Variants in NRXN3 observed in about 807,000 individuals in gnomAD.
The protein encoded by NRXN3 is neurexin 3.
Under a neutral mutation model 137.6 loss-of-function variants are expected in NRXN3, and 32 were observed. The ratio of observed to expected loss-of-function variants is 0.23; its 90% CI spans 0.18 to 0.31. The LOEUF is 0.31. Ranked by LOEUF, NRXN3 falls within the 10% of genes least tolerant of loss-of-function variation. NRXN3 has a pLI of 1.00. For missense variants in NRXN3, 1,574 were observed against 2,062.5 expected (o/e 0.76, Z 4.59); for synonymous variants, 798 against 784.5 (o/e 1.02, Z -0.29).
At chr14:79,852,216 GGTTCTA>G (rs1199731659) in intron 20 of NRXN3, among the ~76,000 whole-genome samples, 4 of 137,118 alleles carry the variant, frequency 2.9e-5, no homozygotes, top group African/African-American at 5.4e-5. Flanking sequence ...TGTCAATACA[GGTTCTA>G]GTTCAACTCC....
intron 8 of NRXN3, among the ~76,000 whole-genome samples, chr14:78,780,767 A>G (rs2098766323): frequency 6.6e-6 from 1 of 152,234 alleles, no homozygotes; most frequent in Non-Finnish European, 1.5e-5. Context: ...ATTACTTCAA[A>G]CCACCAGAGT....
intron 10 of NRXN3, among the ~76,000 whole-genome samples, chr14:78,853,492 A>G (rs2152494861): frequency 1.3e-5 from 2 of 152,308 alleles, no homozygotes; most frequent in South Asian, 4.1e-4. Context: ...TATTAAGCCT[A>G]GTACCCATTA....
At chr14:79,411,890 A>G (rs2095422220) in intron 15 of NRXN3, among the ~76,000 whole-genome samples, 1 of 152,106 alleles carries the variant, frequency 6.6e-6, no homozygotes, top group South Asian at 2.1e-4. Context: ...AGATAAACGG[A>G]TTTTTCTGAG....
At chr14:79,665,957 A>T (rs1282358286) in intron 17 of NRXN3, among the ~76,000 whole-genome samples, 1 of 152,128 alleles carries the variant, frequency 6.6e-6, no homozygotes, top group Non-Finnish European at 1.5e-5. Flanking sequence ...AGGGTACAGT[A>T]TAGCATTTAT....
intron 20 of NRXN3, among the ~76,000 whole-genome samples, chr14:79,810,163 A>G (rs1357217701): frequency 6.6e-6 from 1 of 152,184 alleles, no homozygotes; most frequent in Non-Finnish European, 1.5e-5. Flanking sequence ...TCAAGATTCT[A>G]AAAGTCTTGG....
At chr14:79,018,131 G>A (rs992886335) in intron 15 of NRXN3, among the ~76,000 whole-genome samples, 1 of 151,384 alleles carries the variant, frequency 6.6e-6, no homozygotes, top group Non-Finnish European at 1.5e-5. Context: ...ATGGTGGTAG[G>A]CACCTGAAAT....
intron 6 of NRXN3, among the ~76,000 whole-genome samples, chr14:78,688,098 C>T (rs146689294): frequency 1.6e-3 from 250 of 152,182 alleles, no homozygotes; most frequent in African/African-American, 5.5e-3. Flanking sequence ...TTCTTAAGAT[C>T]GGAGAAAATC....
At chr14:78,405,922 T>C (rs2092455617) in intron 4 of NRXN3, among the ~76,000 whole-genome samples, 5 of 152,226 alleles carry the variant, frequency 3.3e-5, no homozygotes, top group Admixed American at 3.3e-4. Context: ...AGTTTATTTC[T>C]CTTGGATGGG....
Position 78,259,594 on chromosome 14 carries a change from A to G in NRXN3, c.709+15792A>G, listed in dbSNP as rs921859885. The stretch of plus-strand genomic sequence containing the variant: ...GCTGGAAGCCCTGGCTCAGCTAGCA[A>G]TATAAGTGCTGGTAATTAATTCACT... On this transcript the variant is annotated intron_variant, in intron 2 of 20. Coordinates refer to ENST00000335750, the MANE Select transcript of NRXN3 (RefSeq NM_001330195.2). 7.2e-5 allele frequency among the ~76,000 whole-genome samples: 11 copies of G among 152,166 alleles called. No individual in the cohort carries two copies. The East Asian group carries it at 1.5e-3, about 21-fold the overall frequency.
chr14:79,377,794 TGTA>T (rs1226904765), intron 15 of NRXN3, among the ~76,000 whole-genome samples: 1 of 152,170 alleles, frequency 6.6e-6, no homozygotes, highest in African/African-American at 2.4e-5. Flanking sequence ...GTTATCCTTC[TGTA>T]GGTTTGTATT....
intron 19 of NRXN3, among the ~76,000 whole-genome samples, chr14:79,763,081 T>C (rs1474476072): frequency 1.3e-5 from 2 of 150,840 alleles, no homozygotes; most frequent in African/African-American, 5.0e-5. Flanking sequence ...CCATGCGTTC[T>C]CATTGTTCAA....
chr14:79,321,829 T>C (rs953707820), intron 15 of NRXN3, among the ~76,000 whole-genome samples: 1 of 148,880 alleles, frequency 6.7e-6, no homozygotes, highest in African/African-American at 2.4e-5. Flanking sequence ...TATTAATAAA[T>C]GATCAACATA....
intron 20 of NRXN3, among the ~76,000 whole-genome samples, chr14:79,855,937 T>C (rs1318160679): frequency 2.0e-5 from 3 of 152,236 alleles, no homozygotes; most frequent in Admixed American, 6.5e-5. Flanking sequence ...AGAGTTCCGA[T>C]GTTAAGAGTC....
chr14:78,972,839 C>A (rs2099448006), intron 14 of NRXN3: 3 of 152,234 alleles, frequency 2.0e-5, no homozygotes, highest in Admixed American at 2.0e-4. Flanking sequence ...TCTTACTAAC[C>A]TCTGGTTATT....
intron 2 of NRXN3, among the ~76,000 whole-genome samples, chr14:78,260,781 A>G (rs1407630220): frequency 6.6e-6 from 1 of 152,202 alleles, no homozygotes; most frequent in East Asian, 1.9e-4. Flanking sequence ...TGTAAGTCCA[A>G]TAAACTTCTT....
chr14:78,278,662 GGTGA>G lies in NRXN3; in HGVS notation c.727+3_727+6del. ...TGCCACAGATGTCAGTCAAGATCCA[GGTGA>G]GTCTTTGTGTTTGCACAGCTGCTGT... On this transcript the variant is annotated splice_donor_variant and splice_donor_region_variant and intron_variant, in intron 3 of 20. Coordinates refer to ENST00000335750, the MANE Select transcript of NRXN3 (RefSeq NM_001330195.2). LOFTEE classifies it high-confidence loss of function. 1 of 1,535,204 alleles carries G rather than the reference GGTGA, an allele frequency of 6.5e-7. No homozygotes were observed. The highest frequency in any genetic ancestry group is 8.7e-7 in the Non-Finnish European group (1 of 1,146,514).
chr14:79,860,833 T>C (rs1451597880), intron 20 of NRXN3, among the ~76,000 whole-genome samples: 1 of 152,074 alleles, frequency 6.6e-6, no homozygotes, highest in African/African-American at 2.4e-5. Flanking sequence ...CTTTAAAAAA[T>C]CTAAGCCCCT....
intron 15 of NRXN3, among the ~76,000 whole-genome samples, chr14:79,286,306 C>T (rs530050666): frequency 3.9e-5 from 6 of 152,190 alleles, no homozygotes; most frequent in Non-Finnish European, 7.4e-5. Flanking sequence ...CAACTACTTT[C>T]ACATCTCAGC....
chr14:79,323,582 G>C (rs372820365), intron 15 of NRXN3, among the ~76,000 whole-genome samples: 1 of 152,128 alleles, frequency 6.6e-6, no homozygotes, highest in African/African-American at 2.4e-5. Context: ...ATAGTAGGCC[G>C]GGCGTGGTGG....
Sources: gnomAD v4.1 joint callset for allele counts (sites outside exome capture counted in the v4.1 genomes callset) on GRCh38, gnomAD v4.1.1 for gene constraint, MANE v1.5 for transcripts, NCBI Gene and HGNC (gene_info 2026-07-23, HGNC 2026-07-21) for gene names.